The following PLXDC2 variants were observed in gnomAD, a reference collection of about 807,000 sequenced individuals.
PLXDC2 encodes the protein plexin domain containing 2.
In PLXDC2, 40 loss-of-function variants were observed where a neutral mutation model predicts 68.9. That is an observed-to-expected ratio of 0.58 (90% CI 0.45 to 0.76). The LOEUF (loss-of-function observed/expected upper bound fraction) is 0.76, where lower values mean the gene tolerates loss of function less well. Among genes scored for constraint, PLXDC2 ranks in the 30% least tolerant of loss-of-function variants. The pLI is 0.00. For missense variants in PLXDC2, 644 were observed against 661.9 expected, an observed-to-expected ratio of 0.97 and a Z score of 0.30; for synonymous variants, 243 against 234.2, an observed-to-expected ratio of 1.04 and a Z score of -0.34.
intron 13 of PLXDC2, among the ~76,000 whole-genome samples, chr10:20,274,495 A>G (rs1835979067): frequency 6.6e-6 from 1 of 152,180 alleles, no homozygotes; most frequent in Admixed American, 6.5e-5. Context: ...GCAACATATC[A>G]ACGACAGGTA....
intron 1 of PLXDC2, among the ~76,000 whole-genome samples, chr10:19,991,835 G>A (rs1205972437): frequency 6.6e-6 from 1 of 152,058 alleles, no homozygotes; most frequent in African/African-American, 2.4e-5. Context: ...ATTACATCTG[G>A]CCTCTTCTGC....
Position 19,860,681 on chromosome 10 carries a change from C to A in PLXDC2, c.112+43490C>A, listed in dbSNP as rs201464437. ...ATCTACTATACCCAGGGCCCAGCAC[C>A]ACCTGAACAGACCAGATCCTCACTA... is the stretch of plus-strand genomic sequence containing the variant. On this transcript the variant is annotated intron_variant, in intron 1 of 13. Transcript: ENST00000377252. 1.1e-4 allele frequency among the ~76,000 whole-genome samples: 17 copies of A among 152,300 alleles called. No homozygotes were observed. In the East Asian group the frequency reaches 3.1e-3, roughly 28 times the overall value.
At chr10:19,939,208 G>A (rs1833776192) in intron 1 of PLXDC2, among the ~76,000 whole-genome samples, 1 of 152,176 alleles carries the variant, frequency 6.6e-6, no homozygotes, top group Admixed American at 6.5e-5. Flanking sequence ...TCCCCTCTGG[G>A]ATATCTGTGT....
intron 13 of PLXDC2, among the ~76,000 whole-genome samples, chr10:20,270,905 G>A (rs1032011285): frequency 6.6e-6 from 1 of 150,790 alleles, no homozygotes; most frequent in East Asian, 2.0e-4. Context: ...TTTTAGGCAG[G>A]TTTGGTTTGA....
chr10:20,014,056 A>G (rs1835161390), intron 2 of PLXDC2, among the ~76,000 whole-genome samples: 1 of 152,240 alleles, frequency 6.6e-6, no homozygotes, highest in African/African-American at 2.4e-5. Context: ...CCTAAAGGCA[A>G]ACACACTTTT....
In PLXDC2 at chr10:20,217,460, T is replaced by C. The variant is rs756170518; in HGVS notation, c.1157T>C (p.Val386Ala). 2 of 1,612,810 alleles carry C rather than the reference T, an allele frequency of 1.2e-6. No individual in the cohort carries two copies. Among genetic ancestry groups the C allele is most frequent in the South Asian group, 1.1e-5 (1 of 90,964 alleles). Residue 386 changes from valine to alanine, a missense_variant, in exon 11 of 14, where the codon GTG becomes GCG. Transcript: ENST00000377252. ...KEKMCENTEP[V>A]ETSSRTTTTV... The stretch of plus-strand genomic sequence containing the variant: ...AAGATGTGTGAGAATACAGAACCAG[T>C]GGAAACTTCTTCTCGAACCACCACA...
At chr10:20,175,451 G>A (rs1026585572) in intron 7 of PLXDC2, among the ~76,000 whole-genome samples, 6 of 152,308 alleles carry the variant, frequency 3.9e-5, no homozygotes, top group South Asian at 2.1e-4. Flanking sequence ...GGAGACCAAA[G>A]TAGGAGGATT....
At chr10:20,081,194 C>T (rs7092053) in intron 4 of PLXDC2, among the ~76,000 whole-genome samples, 31,418 of 152,038 alleles carry the variant, frequency 0.21, 3,942 homozygotes, top group African/African-American at 0.35. Context: ...CCTTGAGTCT[C>T]CTAGGCTCAC....
At chr10:20,249,375 A>G (rs1835640926) in intron 13 of PLXDC2, among the ~76,000 whole-genome samples, 1 of 152,212 alleles carries the variant, frequency 6.6e-6, no homozygotes, top group African/African-American at 2.4e-5. Context: ...AAAATAACAC[A>G]CACTTGTCTT....
chr10:19,945,843 A>G (rs561410523), intron 1 of PLXDC2, among the ~76,000 whole-genome samples: 1 of 152,308 alleles, frequency 6.6e-6, no homozygotes, highest in East Asian at 1.9e-4. Context: ...GTTCACTCCA[A>G]TCAGATATGA....
At chr10:19,833,902 A>C (rs894600943) in intron 1 of PLXDC2, among the ~76,000 whole-genome samples, 10 of 152,146 alleles carry the variant, frequency 6.6e-5, no homozygotes, top group African/African-American at 2.4e-4. Flanking sequence ...ACAAATCTTT[A>C]AAAAGCATTC....
At chr10:19,851,737 C>A (rs35654349) in intron 1 of PLXDC2, among the ~76,000 whole-genome samples, 37,851 of 151,886 alleles carry the variant, frequency 0.25, 4,891 homozygotes, top group East Asian at 0.44. Flanking sequence ...TGGTAAAAAC[C>A]TGGTTTGACG....
chr10:20,233,640 A>G (rs1413763118), intron 12 of PLXDC2, among the ~76,000 whole-genome samples: 1 of 152,154 alleles, frequency 6.6e-6, no homozygotes, highest in Admixed American at 6.5e-5. Flanking sequence ...TATAGCACCA[A>G]GGGCTCTGAT....
At position 20,143,185 on chromosome 10, in the gene PLXDC2, C is replaced by A. The variant is rs890041392; in HGVS notation, c.542-110C>A. The stretch of plus-strand genomic sequence containing the variant: ...AAATATGTTCCTTTTTTTCCAGCTA[C>A]CATGACATTTTATTTTCATAATATG... On this transcript the variant is annotated intron_variant, in intron 4 of 13. Coordinates refer to ENST00000377252, the MANE Select transcript of PLXDC2 (RefSeq NM_032812.9). The A allele has an allele frequency of 2.8e-5, 32 of 1,154,570 alleles. No homozygotes were observed. The East Asian group carries it at 7.7e-4, about 28-fold the overall frequency. The allele number at this position is 1,154,570 out of a possible 1,614,324, so 71.5% of individuals were successfully genotyped here.
intron 7 of PLXDC2, among the ~76,000 whole-genome samples, chr10:20,174,424 C>T (rs1194157307): frequency 1.3e-5 from 2 of 152,056 alleles, no homozygotes; most frequent in African/African-American, 4.8e-5. Context: ...ATGCATCTTT[C>T]AGTTATACCA....
At chr10:19,865,919 C>T (rs1384868216) in intron 1 of PLXDC2, among the ~76,000 whole-genome samples, 1 of 152,180 alleles carries the variant, frequency 6.6e-6, no homozygotes, top group African/African-American at 2.4e-5. Flanking sequence ...CTACCATTGC[C>T]ACATTCCTGA....
intron 13 of PLXDC2, among the ~76,000 whole-genome samples, chr10:20,279,333 A>C (rs1340008899): frequency 6.6e-6 from 1 of 152,202 alleles, no homozygotes; most frequent in Non-Finnish European, 1.5e-5. Context: ...TAGAGAAGAG[A>C]GAGTGTCTGT....
At chr10:20,016,778 G>A (rs1470486310) in intron 2 of PLXDC2, among the ~76,000 whole-genome samples, 1 of 152,134 alleles carries the variant, frequency 6.6e-6, no homozygotes, top group Non-Finnish European at 1.5e-5. Context: ...TCTTGGATGA[G>A]TTACAGACTT....
At chr10:19,843,505 TA>T (rs1229476116) in intron 1 of PLXDC2, among the ~76,000 whole-genome samples, 3 of 151,172 alleles carry the variant, frequency 2.0e-5, no homozygotes, top group Non-Finnish European at 4.4e-5. Flanking sequence ...GACAGAAAAA[TA>T]AACATTAGAA....
Sources: gnomAD v4.1 joint callset for allele counts (sites outside exome capture counted in the v4.1 genomes callset) on GRCh38, gnomAD v4.1.1 for gene constraint, MANE v1.5 for transcripts, NCBI Gene and HGNC (gene_info 2026-07-23, HGNC 2026-07-21) for gene names.